ZNF280D: variants seen among roughly 807,000 people sequenced by gnomAD.
ZNF280D encodes the protein zinc finger protein 280D.
Under a neutral mutation model 94.7 loss-of-function variants are expected in ZNF280D, and 39 were observed. That is an observed-to-expected ratio of 0.41 (90% CI 0.32 to 0.54). The LOEUF is 0.54. Ranked by LOEUF, ZNF280D falls within the 20% of genes least tolerant of loss-of-function variation. The pLI, the probability that ZNF280D is intolerant of heterozygous loss-of-function variation, is 0.22. For synonymous variants in ZNF280D, 398 were observed against 377.6 expected, an observed-to-expected ratio of 1.05 and a Z score of -0.63; for missense variants, 1,090 against 1,149.3, an observed-to-expected ratio of 0.95 and a Z score of 0.75.
chr15:56,636,673 G>A (rs998246278), intron 20 of ZNF280D, among the ~76,000 whole-genome samples: 39 of 151,856 alleles, frequency 2.6e-4, no homozygotes, highest in African/African-American at 9.2e-4. Flanking sequence ...TAGTACAGAC[G>A]GGGTTTCACC....
chr15:56,669,055 A>C, intron 13 of ZNF280D, 98 bp from the exon 14 acceptor site: 1 of 1,171,490 alleles, frequency 8.5e-7, no homozygotes, highest in Non-Finnish European at 1.2e-6. Context: ...ATACCTAAAT[A>C]ATGTAAAAAC....
At chr15:56,634,932 T>A (rs1389934867) in intron 21 of ZNF280D, among the ~76,000 whole-genome samples, 1 of 152,160 alleles carries the variant, frequency 6.6e-6, no homozygotes, top group Admixed American at 6.5e-5. Context: ...GCCAACATTT[T>A]ACTTGCTAGT....
At chr15:56,643,210 AAT>A in intron 19 of ZNF280D, 1 of 324,814 alleles carries the variant, frequency 3.1e-6, no homozygotes, top group Non-Finnish European at 5.7e-6. Flanking sequence ...GTGCTAAATC[AAT>A]AAAGACATTT....
At chr15:56,657,192 C>T (rs910322997) in intron 17 of ZNF280D, among the ~76,000 whole-genome samples, 2 of 152,028 alleles carry the variant, frequency 1.3e-5, no homozygotes, top group East Asian at 1.9e-4. Flanking sequence ...GAAACAATAG[C>T]GCTCAGTGGA....
chr15:56,632,026 T>G lies in ZNF280D; in HGVS notation c.2412A>C (p.Thr804=). Reference sequence around the variant, plus strand: ...AGGTTTCATTTTCCTTATCTGAAACTGTTATGCTTTCTTCACTTTTTGTTG... The same window carrying G: ...AGGTTTCATTTTCCTTATCTGAAACGGTTATGCTTTCTTCACTTTTTGTTG... ...SSTTKSEESI[T]VSDKENETCL... is the part of the protein sequence containing the mutation. The change falls in exon 22 of 22, where the codon ACA becomes ACC. Residue 804 remains threonine (T), a synonymous_variant. Transcript: ENST00000267807. 2 of 1,613,730 alleles carry G rather than the reference T, an allele frequency of 1.2e-6. No homozygotes were observed. Among genetic ancestry groups the G allele is most frequent in the Non-Finnish European group, 1.7e-6 (2 of 1,179,884 alleles).
chr15:56,727,453 C>T lies in ZNF280D; in HGVS notation c.-86+6005G>A, dbSNP rs1465521412. 6.6e-5 allele frequency among the ~76,000 whole-genome samples: 10 copies of T among 152,040 alleles called. No individual in the cohort carries two copies. The East Asian group carries it at 1.9e-3, about 29-fold the overall frequency. ...CAGCCTGGACAACAAGAGCAAGACA[C>T]GGTCTCAAAAAGAAAAAAAAGAAAA... On this transcript the variant is annotated intron_variant, in intron 1 of 21. Coordinates refer to ENST00000267807, the MANE Select transcript of ZNF280D (RefSeq NM_017661.4).
chr15:56,661,979 T>TAA (rs2053972151), intron 16 of ZNF280D, among the ~76,000 whole-genome samples: 1 of 152,216 alleles, frequency 6.6e-6, no homozygotes, highest in Non-Finnish European at 1.5e-5. Context: ...CCAGACTTGT[T>TAA]TGATTCTTCA....
At chr15:56,700,840 T>C (rs962427673) in intron 6 of ZNF280D, 93 bp downstream of exon 6, 3 of 1,605,010 alleles carry the variant, frequency 1.9e-6, no homozygotes, top group African/African-American at 1.3e-5. Flanking sequence ...TGACTACTTA[T>C]GACAGTCCAG....
intron 1 of ZNF280D, among the ~76,000 whole-genome samples, chr15:56,711,307 G>A (rs1303540130): frequency 6.6e-6 from 1 of 152,160 alleles, no homozygotes; most frequent in Non-Finnish European, 1.5e-5. Flanking sequence ...ACATCTCAGT[G>A]CCTGGCACAT....
intron 3 of ZNF280D, among the ~76,000 whole-genome samples, chr15:56,705,777 T>C (rs1416580826): frequency 6.6e-6 from 1 of 152,116 alleles, no homozygotes; most frequent in Non-Finnish European, 1.5e-5. Flanking sequence ...TTTTTTCATG[T>C]GTCTTAATTT....
At chr15:56,634,903 A>G (rs2140499316) in intron 21 of ZNF280D, among the ~76,000 whole-genome samples, 1 of 152,248 alleles carries the variant, frequency 6.6e-6, no homozygotes, top group African/African-American at 2.4e-5. Context: ...TTTTCATTTA[A>G]TAGGGGCAAA....
chr15:56,669,452 TCTC>T (rs1390679080), intron 13 of ZNF280D, among the ~76,000 whole-genome samples: 5 of 151,886 alleles, frequency 3.3e-5, no homozygotes, highest in African/African-American at 7.3e-5. Context: ...TCCAATAATA[TCTC>T]CTATGATAAT....
At chr15:56,677,129 T>C (rs2055285731) in intron 12 of ZNF280D, among the ~76,000 whole-genome samples, 1 of 152,192 alleles carries the variant, frequency 6.6e-6, no homozygotes, top group East Asian at 1.9e-4. Context: ...TATAAAATGT[T>C]TTTCTGCTAC....
intron 19 of ZNF280D, among the ~76,000 whole-genome samples, chr15:56,650,617 A>G (rs894976287): frequency 6.6e-6 from 1 of 152,206 alleles, no homozygotes; most frequent in East Asian, 1.9e-4. Context: ...CAACCAGTTA[A>G]GTAGCCTAGT....
At chr15:56,635,566 T>TA (rs1409801425) in intron 20 of ZNF280D, 1 of 153,168 alleles carries the variant, frequency 6.5e-6, no homozygotes, top group African/African-American at 2.4e-5. Context: ...TACAATTACT[T>TA]AAATAGAAAA....
At position 56,634,396 on chromosome 15, in the gene ZNF280D, G is replaced by A. The variant is rs147239945; in HGVS notation, c.2315+799C>T. On this transcript the variant is annotated intron_variant, in intron 21 of 21. Transcript: ENST00000267807. The stretch of plus-strand genomic sequence containing the variant: ...TAAATAATACAGAGATGACCAGTCC[G>A]CATTTTCTAACTCCTTAGTTGATTT... Among the ~76,000 whole-genome samples the A allele has an allele frequency of 1.0e-3, 155 of 152,196 alleles. 1 individual carries two copies. Among genetic ancestry groups the A allele is most frequent in the African/African-American group, 3.5e-3 (144 of 41,538 alleles).
intron 20 of ZNF280D, among the ~76,000 whole-genome samples, chr15:56,642,351 T>C (rs2052670181): frequency 1.3e-5 from 2 of 151,736 alleles, no homozygotes; most frequent in Admixed American, 1.3e-4. Flanking sequence ...ATGTCAAATC[T>C]ACCTCACTTC....
rs551650203 is a variant in ZNF280D at position 56,669,465 on chromosome 15, T to C, written c.1411-508A>G. On this transcript the variant is annotated intron_variant, in intron 13 of 21. Transcript: ENST00000267807. ...TGTCCAATAATATCTCCTATGATAA[T>C]GAAATATTTGAGAGCTGTATTGTCC... is the stretch of plus-strand genomic sequence containing the variant. 3.1e-4 allele frequency among the ~76,000 whole-genome samples: 47 copies of C among 151,968 alleles called. 1 individual carries two copies. The South Asian group carries it at 9.5e-3, about 31-fold the overall frequency.
chr15:56,653,913 C>T lies in ZNF280D; in HGVS notation c.2213+285G>A, dbSNP rs377500093. 2.5e-4 allele frequency: 322 copies of T among 1,270,844 alleles called. 3 individuals are homozygous for T. In the South Asian group the frequency reaches 6.3e-3, roughly 25 times the overall value. The allele number at this position is 1,270,844 out of a possible 1,614,324, so 78.7% of individuals were successfully genotyped here. A position where few individuals can be genotyped will look rare whatever the true frequency, so the allele number is the denominator to read the frequency against. ...ATAAGAATCTAGTCCCATTTGAAAG[C>T]TGAAAAGAGCTGAATAATGAGAGCT... is the stretch of plus-strand genomic sequence containing the variant. On this transcript the variant is annotated intron_variant, in intron 19 of 21. Coordinates refer to ENST00000267807, the MANE Select transcript of ZNF280D (RefSeq NM_017661.4).
Sources: allele counts gnomAD v4.1 joint callset (sites outside exome capture counted in the v4.1 genomes callset), GRCh38; gene constraint gnomAD v4.1.1; transcripts MANE v1.5; gene names NCBI Gene and HGNC (gene_info 2026-07-23, HGNC 2026-07-21).